The following FANCD2 variants were observed in gnomAD, a reference collection of about 807,000 sequenced individuals.
FANCD2 encodes FA complementation group D2, also known as Fanconi anemia group D2 protein.
FANCD2 carries 131 observed loss-of-function variants against 192.3 expected under a neutral mutation model. The ratio of observed to expected loss-of-function variants is 0.68; its 90% CI spans 0.59 to 0.79. The LOEUF is 0.79. Ranked by LOEUF, FANCD2 falls within the 30% of genes least tolerant of loss-of-function variation. FANCD2 has a pLI of 0.00. For synonymous variants in FANCD2, 524 were observed against 612.5 expected (o/e 0.86, Z 2.13); for missense variants, 1,508 against 1,701.6 (o/e 0.89, Z 2.00).
intron 2 of FANCD2, among the ~76,000 whole-genome samples, chr3:10,031,371 T>C (rs564450796): frequency 2.6e-3 from 397 of 151,804 alleles, no homozygotes; most frequent in East Asian, 6.4e-3. Flanking sequence ...GGCGTGGTGG[T>C]GTGCACCTGT....
rs2125069276 is a variant in FANCD2, at chr3:10,085,806, C to A, written c.3225-6C>A. 1 of 1,599,772 alleles carries A rather than the reference C, an allele frequency of 6.3e-7. No individual in the cohort carries two copies. The highest frequency in any genetic ancestry group is 8.6e-7 in the Non-Finnish European group (1 of 1,167,064). ...AAGCTAACCCCTCTTACCTTGACTTCCTTAGGAGTGGATTTTCTCAACCTG... is the reference window on the plus strand; with the variant it reads ...AAGCTAACCCCTCTTACCTTGACTTACTTAGGAGTGGATTTTCTCAACCTG... On this transcript the variant is annotated splice_polypyrimidine_tract_variant and splice_region_variant and intron_variant, in intron 32 of 43. Transcript: ENST00000675286.
chr3:10,044,005 C>G, intron 14 of FANCD2, 141 bp downstream of exon 14: 1 of 715,498 alleles, frequency 1.4e-6, no homozygotes, highest in East Asian at 2.7e-5. Context: ...TAAACATTAG[C>G]TGTCTGGGGA....
intron 18 of FANCD2, among the ~76,000 whole-genome samples, chr3:10,054,457 A>G (rs1337443321): frequency 9.4e-5 from 2 of 21,352 alleles, no homozygotes; most frequent in Non-Finnish European, 2.0e-4. Flanking sequence ...ATATATATAT[A>G]TATATATATA....
At chr3:10,077,580 T>C (rs778717257) in intron 29 of FANCD2, among the ~76,000 whole-genome samples, 38 of 151,950 alleles carry the variant, frequency 2.5e-4, no homozygotes, top group Non-Finnish European at 4.6e-4. Context: ...TTTTCACCCA[T>C]TGGGAAGTAT....
chr3:10,039,131 C>A (rs1302934228), intron 7 of FANCD2, 148 bp from the exon 8 acceptor site: 2 of 533,812 alleles, frequency 3.7e-6, no homozygotes, highest in East Asian at 5.8e-5. Flanking sequence ...TCTTGGGTAT[C>A]ACTTGTGTGT....
intron 14 of FANCD2, among the ~76,000 whole-genome samples, chr3:10,044,172 A>G (rs1277062615): frequency 1.1e-4 from 16 of 152,166 alleles, no homozygotes. Flanking sequence ...AGATGAAGAA[A>G]ATAACCACCT....
At chr3:10,083,906 AAG>A (rs1235290374) in intron 32 of FANCD2, among the ~76,000 whole-genome samples, 2 of 150,974 alleles carry the variant, frequency 1.3e-5, no homozygotes, top group Non-Finnish European at 1.5e-5. Context: ...AAAAAAAAAA[AAG>A]GTATGTCCAC....
chr3:10,061,439 G>C (rs919486996), intron 19 of FANCD2, among the ~76,000 whole-genome samples: 1 of 152,218 alleles, frequency 6.6e-6, no homozygotes, highest in African/African-American at 2.4e-5. Context: ...AGTTCAGTCA[G>C]TGAAGCCATA....
intron 16 of FANCD2, among the ~76,000 whole-genome samples, 184 bp from the exon 17 acceptor site, chr3:10,049,190 G>C (rs2087122243): frequency 6.6e-6 from 1 of 150,702 alleles, no homozygotes; most frequent in Non-Finnish European, 1.5e-5. Context: ...GGATGGTCAA[G>C]TTACACTGGC....
At chr3:10,098,639 G>C in intron 42 of FANCD2, 81 bp from the exon 43 acceptor site, 2 of 1,532,058 alleles carry the variant, frequency 1.3e-6, no homozygotes, top group Non-Finnish European at 8.9e-7. Flanking sequence ...CCTTTGTATT[G>C]CCTGTAAACT....
At chr3:10,051,473 G>T (rs542681374) in intron 17 of FANCD2, among the ~76,000 whole-genome samples, 113 of 140,738 alleles carry the variant, frequency 8.0e-4, no homozygotes, top group African/African-American at 2.8e-3. Context: ...GGAGGCAGAG[G>T]CTATTGGCTT....
At chr3:10,067,890 T>G (rs1402523560) in intron 26 of FANCD2, among the ~76,000 whole-genome samples, 1 of 152,218 alleles carries the variant, frequency 6.6e-6, no homozygotes, top group African/African-American at 2.4e-5. Context: ...TAAATCAATG[T>G]GATACCTCCT....
intron 18 of FANCD2, among the ~76,000 whole-genome samples, chr3:10,058,571 G>A (rs1234394119): frequency 1.3e-5 from 2 of 152,144 alleles, no homozygotes; most frequent in Non-Finnish European, 2.9e-5. Context: ...TGGATATCCA[G>A]TTTTTCCAGT....
At chr3:10,060,519 G>A (rs2125027072) in intron 19 of FANCD2, 116 bp downstream of exon 19, 2 of 791,786 alleles carry the variant, frequency 2.5e-6, no homozygotes, top group Admixed American at 2.0e-5. Context: ...ATGAGCAAAT[G>A]TGTTTTGCTA....
intron 36 of FANCD2, among the ~76,000 whole-genome samples, chr3:10,090,045 G>A (rs898210984): frequency 3.3e-5 from 5 of 152,144 alleles, no homozygotes; most frequent in African/African-American, 9.7e-5. Context: ...TCTTCTCACT[G>A]TTACTTCATT....
chr3:10,081,430 A>G lies in FANCD2; in HGVS notation c.3190A>G (p.Arg1064Gly). 1 of 1,614,046 alleles carries G rather than the reference A, an allele frequency of 6.2e-7. No individual in the cohort carries two copies. Among genetic ancestry groups the G allele is most frequent in the Non-Finnish European group, 8.5e-7 (1 of 1,179,930 alleles). Residue 1064 changes from arginine (R) to glycine (G), a missense_variant, in exon 32 of 44, where the codon AGG becomes GGG. Physicochemically the swap from Arg to Gly is moderately radical, Grantham distance 125. Around this residue, in one of 5 missense-constraint regions of FANCD2, gnomAD observed 796 missense variants for 879.4 expected, o/e 0.91. Transcript: ENST00000675286. ...CCACATAATGTCTTCCTGCTATCAG[A>G]GGCTGCTGCAGATTTTTCATGGGCT... is the stretch of plus-strand genomic sequence containing the variant. ...EYHIMSSCYQ[R>G]LLQIFHGLFA...
intron 42 of FANCD2, among the ~76,000 whole-genome samples, chr3:10,097,146 AATATC>A (rs1312555931): frequency 1.6e-4 from 25 of 152,198 alleles, no homozygotes; most frequent in Admixed American, 5.2e-4. Context: ...AGGGTAATAG[AATATC>A]ACAAGGCAAG....
At chr3:10,039,446 A>T in intron 8 of FANCD2, 89 bp downstream of exon 8, 1 of 1,178,392 alleles carries the variant, frequency 8.5e-7, no homozygotes, top group Non-Finnish European at 1.2e-6. Context: ...CTAAACAGAA[A>T]ATTCATACTT....
chr3:10,040,324 C>A, intron 9 of FANCD2: 1 of 360,224 alleles, frequency 2.8e-6, no homozygotes, highest in Non-Finnish European at 5.4e-6. Context: ...GCATGAGCCA[C>A]CGTGCCTGGC....
Sources: gnomAD v4.1 joint callset for allele counts (sites outside exome capture counted in the v4.1 genomes callset) on GRCh38, gnomAD v4.1.1 for gene constraint, gnomAD v4.1.1 regional missense constraint, MANE v1.5 for transcripts, NCBI Gene and HGNC (gene_info 2026-07-23, HGNC 2026-07-21) for gene names.